FERMT2: variants seen among roughly 807,000 people sequenced by gnomAD.
FERMT2 encodes the protein fermitin family homolog 2.
In FERMT2, 15 loss-of-function variants were observed where a neutral mutation model predicts 82.7. That is an observed-to-expected ratio of 0.18 (90% CI 0.12 to 0.28). The LOEUF is 0.28. FERMT2 is among the 10% of genes least tolerant of loss of function. FERMT2 has a pLI of 1.00. For missense variants in FERMT2, 645 were observed against 809.4 expected, an observed-to-expected ratio of 0.80 and a Z score of 2.46; for synonymous variants, 274 against 271.5, an observed-to-expected ratio of 1.01 and a Z score of -0.09.
chr14:52,923,466 T>C (rs1177038394), intron 2 of FERMT2, among the ~76,000 whole-genome samples: 4 of 152,064 alleles, frequency 2.6e-5, no homozygotes, highest in Non-Finnish European at 5.9e-5. Context: ...CAGTGTTATC[T>C]TGCACTTAGA....
At chr14:52,865,523 T>C (rs1885221117) in intron 10 of FERMT2, among the ~76,000 whole-genome samples, 3 of 152,196 alleles carry the variant, frequency 2.0e-5, no homozygotes, top group Admixed American at 1.3e-4. Context: ...ATTTAACTTC[T>C]GTAAGTCGAC....
At position 52,878,706 on chromosome 14, in the gene FERMT2, A is replaced by C; in HGVS notation, c.856-17T>G. ...TGCATCATACTGCAACAAGAGAAAT[A>C]GTTCTTTTGTAATATATAACCTTTA... On this transcript the variant is annotated splice_polypyrimidine_tract_variant and intron_variant, in intron 6 of 14. Coordinates refer to ENST00000341590, the MANE Select transcript of FERMT2 (RefSeq NM_006832.3). 1 of 1,361,908 alleles carries C rather than the reference A, an allele frequency of 7.3e-7. No individual in the cohort carries two copies. Among genetic ancestry groups the C allele is most frequent in the Non-Finnish European group, 1.0e-6 (1 of 976,264 alleles). 84.4% of individuals were successfully genotyped at this position (1,361,908 alleles called of 1,614,324 possible).
intron 10 of FERMT2, among the ~76,000 whole-genome samples, chr14:52,866,033 AGTT>A (rs1269260069): frequency 6.6e-5 from 10 of 152,356 alleles, no homozygotes; most frequent in African/African-American, 1.9e-4. Context: ...AAGTTGAAAC[AGTT>A]GTTTGAAAGT....
At chr14:52,918,312 A>G (rs1201072450) in intron 3 of FERMT2, among the ~76,000 whole-genome samples, 1 of 152,236 alleles carries the variant, frequency 6.6e-6, no homozygotes. Flanking sequence ...ATGGACAAAT[A>G]AATGCATAGA....
intron 3 of FERMT2, among the ~76,000 whole-genome samples, chr14:52,905,306 C>T (rs1489821374): frequency 2.0e-5 from 3 of 151,704 alleles, no homozygotes; most frequent in African/African-American, 7.3e-5. Context: ...AAGCCAGAAA[C>T]AGTAAACGAG....
chr14:52,928,256 G>A, intron 2 of FERMT2: 1 of 208,362 alleles, frequency 4.8e-6, no homozygotes, highest in African/African-American at 2.2e-5. Flanking sequence ...TGACTTATAA[G>A]CACAGATAAC....
chr14:52,912,101 T>A (rs1888350423), intron 3 of FERMT2, among the ~76,000 whole-genome samples: 1 of 151,846 alleles, frequency 6.6e-6, no homozygotes, highest in South Asian at 2.1e-4. Flanking sequence ...AAGACATCTA[T>A]CTATTCACAC....
At chr14:52,929,794 T>A (rs1889477300) in intron 2 of FERMT2, among the ~76,000 whole-genome samples, 1 of 152,154 alleles carries the variant, frequency 6.6e-6, no homozygotes, top group African/African-American at 2.4e-5. Flanking sequence ...CTGATCAAAA[T>A]TTATATTCAT....
chr14:52,869,976 A>G (rs1885514951), intron 10 of FERMT2, among the ~76,000 whole-genome samples: 1 of 152,186 alleles, frequency 6.6e-6, no homozygotes, highest in African/African-American at 2.4e-5. Flanking sequence ...AAATCTAAAT[A>G]CAAAAAAACA....
chr14:52,881,561 G>A, intron 4 of FERMT2, 92 bp from the exon 5 acceptor site: 1 of 1,037,926 alleles, frequency 9.6e-7, no homozygotes, highest in Non-Finnish European at 1.4e-6. Context: ...AGCACATTGT[G>A]AAACAAAAGT....
At chr14:52,861,562 C>T (rs1364392774) in intron 12 of FERMT2, 1 of 152,632 alleles carries the variant, frequency 6.6e-6, no homozygotes, top group Non-Finnish European at 1.5e-5. Context: ...TTTTTTTACA[C>T]AAGAAAAGCA....
At chr14:52,858,900 T>TTCAGATACTTA (rs1884730852) in intron 14 of FERMT2, 1 of 182,990 alleles carries the variant, frequency 5.5e-6, no homozygotes, top group Admixed American at 5.8e-5. Context: ...TAACGTTCGC[T>TTCAGATACTTA]TCAGATACTT....
At chr14:52,950,332 C>A (rs1331597308) in intron 2 of FERMT2, 80 bp downstream of exon 2, 2 of 1,416,388 alleles carry the variant, frequency 1.4e-6, no homozygotes, top group Non-Finnish European at 1.9e-6. Context: ...CAAATGGGCC[C>A]CTCCCCCGTC....
chr14:52,859,840 C>T (rs1326288033), intron 13 of FERMT2, 126 bp from the exon 14 acceptor site: 67 of 503,696 alleles, frequency 1.3e-4, no homozygotes, highest in Middle Eastern at 4.2e-4. Flanking sequence ...TTTTTTGAGA[C>T]GGAGTCTTGC....
intron 7 of FERMT2, among the ~76,000 whole-genome samples, chr14:52,878,310 G>A (rs1886090195): frequency 6.6e-6 from 1 of 151,962 alleles, no homozygotes; most frequent in Non-Finnish European, 1.5e-5. Context: ...TTATATTTGG[G>A]GGTGAGAGGA....
intron 12 of FERMT2, 163 bp from the exon 13 acceptor site, chr14:52,860,628 T>C (rs1884870993): frequency 6.3e-6 from 4 of 635,490 alleles, no homozygotes; most frequent in South Asian, 2.2e-5. Flanking sequence ...TGTAATAATG[T>C]AATGTATAAG....
Position 52,943,723 on chromosome 14 carries a change from T to C in FERMT2, c.157+6689A>G, listed in dbSNP as rs368133319. On this transcript the variant is annotated intron_variant, in intron 2 of 14. Coordinates refer to ENST00000341590, the MANE Select transcript of FERMT2 (RefSeq NM_006832.3). ...CCCAACATGTGTATGTTTGTGTGTA[T>C]AGAAAATTCAAATGGCAAAATACTA... Among the ~76,000 whole-genome samples, 5 of 152,334 alleles carry C rather than the reference T, an allele frequency of 3.3e-5. No individual in the cohort carries two copies. The South Asian group carries it at 6.2e-4, about 19-fold the overall frequency.
At chr14:52,893,907 C>T (rs1238990552) in intron 3 of FERMT2, among the ~76,000 whole-genome samples, 1 of 151,696 alleles carries the variant, frequency 6.6e-6, no homozygotes, top group Non-Finnish European at 1.5e-5. Flanking sequence ...CGGCTCGCCA[C>T]AACCTCCACC....
chr14:52,922,171 C>T (rs1439975459), intron 2 of FERMT2, among the ~76,000 whole-genome samples: 4 of 152,320 alleles, frequency 2.6e-5, no homozygotes, highest in African/African-American at 9.6e-5. Context: ...CTGCTGTGAG[C>T]ACCTGCAGTT....
Sources: allele counts gnomAD v4.1 joint callset (sites outside exome capture counted in the v4.1 genomes callset), GRCh38; gene constraint gnomAD v4.1.1; transcripts MANE v1.5; gene names NCBI Gene and HGNC (gene_info 2026-07-23, HGNC 2026-07-21).